MUC7: variants seen among roughly 807,000 people sequenced by gnomAD.
MUC7 encodes the protein mucin-7.
In MUC7, 2 loss-of-function variants were observed where a neutral mutation model predicts 2.5. The ratio of observed to expected loss-of-function variants is 0.81; its 90% confidence interval spans 0.33 to 2.55. The LOEUF is 2.55. Ranked by LOEUF, MUC7 falls within the 30% of genes most tolerant of loss-of-function variation. The pLI is 0.11. For missense variants in MUC7, 408 were observed against 455.6 expected, an observed-to-expected ratio of 0.90 and a Z score of 0.95; for synonymous variants, 133 against 173.4, an observed-to-expected ratio of 0.77 and a Z score of 1.83.
intron 2 of MUC7, among the ~76,000 whole-genome samples, chr4:70,477,164 C>T (rs967183245): frequency 3.3e-5 from 5 of 152,086 alleles, no homozygotes; most frequent in Admixed American, 1.3e-4. Context: ...AATTCCAGCA[C>T]TTTCAGAGGC....
chr4:70,455,254 C>A (rs954472511), intron 1 of MUC7, among the ~76,000 whole-genome samples: 2 of 152,140 alleles, frequency 1.3e-5, no homozygotes, highest in Admixed American at 1.3e-4. Context: ...AGGTATTACA[C>A]CGGCCCCTGG....
intron 1 of MUC7, among the ~76,000 whole-genome samples, chr4:70,434,224 G>T (rs1440834469): frequency 6.6e-6 from 1 of 152,106 alleles, no homozygotes; most frequent in South Asian, 2.1e-4. Context: ...TCAGGATGAT[G>T]CTGGCCTCAT....
chr4:70,435,356 T>C (rs1388075515), intron 1 of MUC7, among the ~76,000 whole-genome samples: 1 of 152,360 alleles, frequency 6.6e-6, no homozygotes, highest in East Asian at 1.9e-4. Flanking sequence ...TGTAGGTCTC[T>C]AAGAACTTGC....
intron 1 of MUC7, among the ~76,000 whole-genome samples, chr4:70,447,512 AAATCTTTT>A (rs1407218223): frequency 6.6e-6 from 1 of 152,224 alleles, no homozygotes; most frequent in African/African-American, 2.4e-5. Context: ...ATTCAGAGGA[AAATCTTTT>A]AATTACACTA....
At chr4:70,432,046 C>T (rs1733681311) in intron 1 of MUC7, among the ~76,000 whole-genome samples, 1 of 152,188 alleles carries the variant, frequency 6.6e-6, no homozygotes, top group Non-Finnish European at 1.5e-5. Context: ...TGGTTTCCAG[C>T]TTCATCCATG....
At chr4:70,458,187 A>G (rs1734459845) in intron 1 of MUC7, among the ~76,000 whole-genome samples, 1 of 152,132 alleles carries the variant, frequency 6.6e-6, no homozygotes, top group South Asian at 2.1e-4. Context: ...AAAACCTTAA[A>G]TGCATGTCCA....
At chr4:70,457,600 A>G (rs565203019) in intron 1 of MUC7, among the ~76,000 whole-genome samples, 5 of 152,310 alleles carry the variant, frequency 3.3e-5, no homozygotes, top group African/African-American at 9.6e-5. Context: ...TGAAAAGAGA[A>G]GAGGAACCCA....
chr4:70,477,128 G>A (rs981290163), intron 2 of MUC7, among the ~76,000 whole-genome samples: 2 of 152,156 alleles, frequency 1.3e-5, no homozygotes, highest in Admixed American at 1.3e-4. Context: ...TGTAATCTTG[G>A]GCCGGGTGCC....
At chr4:70,434,744 G>A (rs1733781797) in intron 1 of MUC7, among the ~76,000 whole-genome samples, 1 of 152,072 alleles carries the variant, frequency 6.6e-6, no homozygotes, top group Admixed American at 6.5e-5. Context: ...CTTGCCTTCT[G>A]CGAGCTTTTG....
chr4:70,431,997 G>A (rs555572089), intron 1 of MUC7, among the ~76,000 whole-genome samples: 2 of 152,220 alleles, frequency 1.3e-5, no homozygotes, highest in East Asian at 3.9e-4. Flanking sequence ...AACATGCAGT[G>A]TTTGGTTTTT....
At chr4:70,434,885 CGA>C (rs1056346875) in intron 1 of MUC7, among the ~76,000 whole-genome samples, 10 of 152,050 alleles carry the variant, frequency 6.6e-5, no homozygotes, top group African/African-American at 2.4e-4. Context: ...TAATTGTGTT[CGA>C]GAGATTCTGG....
chr4:70,474,087 C>T lies in MUC7; in HGVS notation c.54+12C>T, dbSNP rs372658818. 1.9e-6 allele frequency: 3 copies of T among 1,610,320 alleles called. No homozygotes were observed. In the African/African-American group the frequency reaches 4.0e-5, roughly 22 times the overall value. On this transcript the variant is annotated intron_variant, in intron 2 of 2. Transcript: ENST00000304887. Reference sequence around the variant, plus strand: ...GTGCTTGCTTCTCGGTAAGTATTCACCCAAATAAGTTTTTTCCTTAACTAT... The same window carrying T: ...GTGCTTGCTTCTCGGTAAGTATTCATCCAAATAAGTTTTTTCCTTAACTAT...
At chr4:70,437,033 C>T (rs540783286) in intron 1 of MUC7, among the ~76,000 whole-genome samples, 2 of 152,302 alleles carry the variant, frequency 1.3e-5, no homozygotes, top group South Asian at 2.1e-4. Flanking sequence ...GCAGAGGCTG[C>T]AGAACAGCAA....
At chr4:70,450,221 C>T (rs1443526003) in intron 1 of MUC7, among the ~76,000 whole-genome samples, 5 of 152,216 alleles carry the variant, frequency 3.3e-5, no homozygotes, top group African/African-American at 1.2e-4. Context: ...AGCCTCACCC[C>T]ATAGCCACTG....
exon 1 of MUC7, chr4:70,430,579 C>T (rs1733633830): frequency 6.6e-6 from 1 of 151,980 alleles, no homozygotes; most frequent in Non-Finnish European, 1.5e-5. Flanking sequence ...TATTTGCCAC[C>T]TTAGATTTTA....
intron 1 of MUC7, among the ~76,000 whole-genome samples, chr4:70,432,760 G>C (rs1215217236): frequency 6.6e-6 from 1 of 152,070 alleles, no homozygotes; most frequent in Non-Finnish European, 1.5e-5. Context: ...GTCAATTTTG[G>C]CTTCTGTTGC....
chr4:70,431,749 T>A (rs1199664813), intron 1 of MUC7, among the ~76,000 whole-genome samples: 1 of 152,144 alleles, frequency 6.6e-6, no homozygotes, highest in Non-Finnish European at 1.5e-5. Context: ...TCAATTTTTT[T>A]ATTTTTTTAT....
rs150370934 is a variant in MUC7, at chr4:70,481,947, T to TA, written c.*69_*70insA. The TA allele has an allele frequency of 2.3e-3, 3,529 of 1,510,654 alleles. 81 individuals are homozygous for TA. In the African/African-American group the frequency reaches 0.044, roughly 19 times the overall value. The allele number at this position is 1,510,654 out of a possible 1,614,324, so 93.6% of individuals were successfully genotyped here. ...TTCATGAGTGCAGAACTACCACCTTTCTTTTAGCACCAATCCCAACATGAA... is the reference window on the plus strand; with the variant it reads ...TTCATGAGTGCAGAACTACCACCTTTACTTTTAGCACCAATCCCAACATGAA... On this transcript the variant is annotated 3_prime_UTR_variant, in exon 3 of 3. Transcript: ENST00000304887.
At chr4:70,451,685 G>A (rs1356221564) in intron 1 of MUC7, among the ~76,000 whole-genome samples, 1 of 151,896 alleles carries the variant, frequency 6.6e-6, no homozygotes, top group Non-Finnish European at 1.5e-5. Context: ...CCTAACATGT[G>A]GTATATTTTT....
Sources: gnomAD v4.1 joint callset for allele counts (sites outside exome capture counted in the v4.1 genomes callset) on GRCh38, gnomAD v4.1.1 for gene constraint, MANE v1.5 for transcripts, NCBI Gene and HGNC (gene_info 2026-07-23, HGNC 2026-07-21) for gene names.